The following SLC1A2 variants were observed in gnomAD, a reference collection of about 807,000 sequenced individuals.
The protein encoded by SLC1A2 is excitatory amino acid transporter 2.
In SLC1A2, 15 loss-of-function variants were observed where a neutral mutation model predicts 48.8. The ratio of observed to expected loss-of-function variants is 0.31; its 90% CI spans 0.21 to 0.47. The LOEUF is 0.47. SLC1A2 is among the 20% of genes least tolerant of loss of function. The pLI is 0.99. For synonymous variants in SLC1A2, 279 were observed against 272.6 expected, an observed-to-expected ratio of 1.02 and a Z score of -0.23; for missense variants, 502 against 730.5, an observed-to-expected ratio of 0.69 and a Z score of 3.61.
chr11:35,278,416 C>T (rs918432348), intron 9 of SLC1A2, among the ~76,000 whole-genome samples: 7 of 151,820 alleles, frequency 4.6e-5, no homozygotes, highest in Non-Finnish European at 1.0e-4. Context: ...GCTGGGATTA[C>T]GGGCATATGC....
chr11:35,361,546 C>G (rs550315421), intron 1 of SLC1A2, among the ~76,000 whole-genome samples: 2 of 152,276 alleles, frequency 1.3e-5, no homozygotes, highest in East Asian at 3.9e-4. Flanking sequence ...CTGCTTCCCC[C>G]ACCCCTTGTC....
rs956063319 is a variant in SLC1A2, at chr11:35,264,378, C to G, written c.1653+1149G>C. Among the ~76,000 whole-genome samples, 3 of 152,322 alleles carry G rather than the reference C, an allele frequency of 2.0e-5. No homozygotes were observed. In the East Asian group the frequency reaches 5.8e-4, roughly 29 times the overall value. ...TAAATGTGACCTTGTCAACAGAAGT[C>G]AAAAAGCTACCAGAGATCTCTGGCT... On this transcript the variant is annotated intron_variant, in intron 10 of 10. Transcript: ENST00000278379.
intron 1 of SLC1A2, among the ~76,000 whole-genome samples, chr11:35,405,081 G>A (rs76645119): frequency 1.7e-5 from 1 of 60,204 alleles, no homozygotes; most frequent in Non-Finnish European, 3.9e-5. Flanking sequence ...AGGACTCGCA[G>A]AGTCAAGAAA....
intron 5 of SLC1A2, 58 bp from the exon 6 acceptor site, chr11:35,301,703 C>T: frequency 6.5e-7 from 1 of 1,549,422 alleles, no homozygotes; most frequent in South Asian, 1.1e-5. Context: ...ACTTTTTCTC[C>T]CTCATTCTTT....
At chr11:35,326,188 G>C (rs1293970511) in intron 1 of SLC1A2, among the ~76,000 whole-genome samples, 1 of 152,116 alleles carries the variant, frequency 6.6e-6, no homozygotes, top group African/African-American at 2.4e-5. Context: ...AAACTGATGA[G>C]GACCCGGGAA....
intron 1 of SLC1A2, among the ~76,000 whole-genome samples, chr11:35,415,712 GC>G (rs1208839797): frequency 6.6e-6 from 1 of 151,986 alleles, no homozygotes; most frequent in Non-Finnish European, 1.5e-5. Context: ...TGTTTCCCTT[GC>G]TCTTTAAGTC....
chr11:35,313,686 T>A (rs1851780410), intron 3 of SLC1A2, among the ~76,000 whole-genome samples: 2 of 152,198 alleles, frequency 1.3e-5, no homozygotes, highest in Non-Finnish European at 2.9e-5. Flanking sequence ...GGCCAACGTA[T>A]GACCTGTTAA....
At chr11:35,377,141 T>A (rs1252174284) in intron 1 of SLC1A2, among the ~76,000 whole-genome samples, 1 of 151,934 alleles carries the variant, frequency 6.6e-6, no homozygotes, top group South Asian at 2.1e-4. Flanking sequence ...GCTCACTACA[T>A]CCTTAGGAGG....
chr11:35,314,752 C>A (rs929484312), intron 3 of SLC1A2, among the ~76,000 whole-genome samples: 1 of 150,164 alleles, frequency 6.7e-6, no homozygotes, highest in South Asian at 2.1e-4. Context: ...GGTATCATCA[C>A]TTGTAACATG....
chr11:35,420,087 T>C (rs1855740807), upstream of SLC1A2: 5 of 277,480 alleles, frequency 1.8e-5, no homozygotes, highest in South Asian at 1.5e-4. Context: ...GAGATTAATA[T>C]TAATGCAGCT....
chr11:35,339,992 A>G (rs773463929), intron 1 of SLC1A2, among the ~76,000 whole-genome samples: 6 of 152,244 alleles, frequency 3.9e-5, no homozygotes, highest in African/African-American at 7.2e-5. Flanking sequence ...TCTTGGCTTC[A>G]TCCCTCAATG....
chr11:35,405,446 T>C (rs1855259616), intron 1 of SLC1A2, among the ~76,000 whole-genome samples: 1 of 151,918 alleles, frequency 6.6e-6, no homozygotes, highest in African/African-American at 2.4e-5. Flanking sequence ...ACTAATGTAA[T>C]TGAAAAATCT....
At chr11:35,386,061 G>A (rs980202275) in intron 1 of SLC1A2, among the ~76,000 whole-genome samples, 3 of 152,158 alleles carry the variant, frequency 2.0e-5, no homozygotes, top group Admixed American at 6.5e-5. Context: ...AGCTACTCAG[G>A]AGGCTGAGGC....
intron 1 of SLC1A2, among the ~76,000 whole-genome samples, chr11:35,346,875 T>C (rs1382074147): frequency 1.3e-5 from 2 of 152,124 alleles, no homozygotes; most frequent in African/African-American, 4.8e-5. Context: ...ACCCCACATC[T>C]TGGACACAGG....
At chr11:35,318,019 C>T (rs919976104) in intron 1 of SLC1A2, among the ~76,000 whole-genome samples, 4 of 152,150 alleles carry the variant, frequency 2.6e-5, no homozygotes, top group African/African-American at 9.7e-5. Context: ...ACTGATCATC[C>T]AAGCTTTATT....
At chr11:35,271,248 G>T (rs1850271660) in intron 9 of SLC1A2, among the ~76,000 whole-genome samples, 3 of 152,218 alleles carry the variant, frequency 2.0e-5, no homozygotes, top group Admixed American at 6.5e-5. Flanking sequence ...ATGTGACTCA[G>T]TTATGAGCAG....
intron 8 of SLC1A2, 49 bp from the exon 9 acceptor site, chr11:35,281,050 A>G: frequency 6.6e-7 from 1 of 1,507,022 alleles, no homozygotes; most frequent in Non-Finnish European, 8.9e-7. Flanking sequence ...GAATCTTAGC[A>G]AAACCAACCC....
At chr11:35,414,858 T>G (rs1295922970) in intron 1 of SLC1A2, among the ~76,000 whole-genome samples, 1 of 152,256 alleles carries the variant, frequency 6.6e-6, no homozygotes, top group Non-Finnish European at 1.5e-5. Context: ...AAATGAAGAA[T>G]AGTTTCAGCT....
At chr11:35,385,905 A>C (rs901216486) in intron 1 of SLC1A2, among the ~76,000 whole-genome samples, 1 of 152,160 alleles carries the variant, frequency 6.6e-6, no homozygotes, top group Non-Finnish European at 1.5e-5. Flanking sequence ...CGGTGGCTCA[A>C]GCCTGTAATC....
Sources: allele counts gnomAD v4.1 joint callset (sites outside exome capture counted in the v4.1 genomes callset), GRCh38; gene constraint gnomAD v4.1.1; transcripts MANE v1.5; gene names NCBI Gene and HGNC (gene_info 2026-07-23, HGNC 2026-07-21).